Variants in STK39 observed in about 807,000 individuals in gnomAD.
The protein encoded by STK39 is serine/threonine kinase 39, also known as STE20/SPS1-related proline-alanine-rich protein kinase.
A neutral mutation model predicts 77.8 loss-of-function variants in STK39; 20 were observed. The observed-to-expected ratio is 0.26, with a 90% CI of 0.18 to 0.37. The LOEUF is 0.37. Ranked by LOEUF, STK39 falls within the 10% of genes least tolerant of loss-of-function variation. The pLI, the probability that STK39 is intolerant of heterozygous loss-of-function variation, is 1.00. For synonymous variants in STK39, 246 were observed against 234.1 expected, an observed-to-expected ratio of 1.05 and a Z score of -0.47; for missense variants, 479 against 656.5, an observed-to-expected ratio of 0.73 and a Z score of 2.95.
intron 1 of STK39, among the ~76,000 whole-genome samples, chr2:168,226,196 A>T (rs1277739420): frequency 6.6e-6 from 1 of 152,202 alleles, no homozygotes; most frequent in Admixed American, 6.5e-5. Flanking sequence ...AGGTTAGAGG[A>T]TCCAGAATAG....
intron 2 of STK39, among the ~76,000 whole-genome samples, chr2:168,179,557 ATATAT>A (rs1266006550): frequency 6.6e-6 from 1 of 152,218 alleles, no homozygotes; most frequent in African/African-American, 2.4e-5. Flanking sequence ...AATAATGCAA[ATATAT>A]TATACTCTAT....
At chr2:168,013,488 C>A (rs561908535) in intron 15 of STK39, among the ~76,000 whole-genome samples, 2 of 152,290 alleles carry the variant, frequency 1.3e-5, no homozygotes, top group South Asian at 2.1e-4. Flanking sequence ...TAAGCCCCCA[C>A]GTTTTTACAA....
intron 2 of STK39, among the ~76,000 whole-genome samples, chr2:168,179,433 T>TTAG (rs1480422165): frequency 6.7e-6 from 1 of 149,598 alleles, no homozygotes; most frequent in Non-Finnish European, 1.5e-5. Flanking sequence ...GAGTTGTACA[T>TTAG]CCTAAAGAAC....
At chr2:168,186,470 A>T (rs1403443253) in intron 1 of STK39, among the ~76,000 whole-genome samples, 1 of 152,220 alleles carries the variant, frequency 6.6e-6, no homozygotes, top group Non-Finnish European at 1.5e-5. Flanking sequence ...GATTAAGTCA[A>T]CAGCAAATGG....
At chr2:168,072,492 C>G (rs1685966926) in intron 12 of STK39, among the ~76,000 whole-genome samples, 2 of 152,192 alleles carry the variant, frequency 1.3e-5, no homozygotes, top group South Asian at 4.1e-4. Flanking sequence ...CACTCCTATT[C>G]CATTGTAACA....
chr2:168,076,099 G>A (rs2105406160), intron 10 of STK39, among the ~76,000 whole-genome samples: 1 of 152,326 alleles, frequency 6.6e-6, no homozygotes, highest in East Asian at 1.9e-4. Context: ...ACAAAGCACT[G>A]TAGCAGATGA....
At chr2:167,987,737 C>A (rs143270539) in intron 16 of STK39, among the ~76,000 whole-genome samples, 90 of 152,272 alleles carry the variant, frequency 5.9e-4, no homozygotes, top group African/African-American at 2.1e-3. Flanking sequence ...CCCCAAATAA[C>A]CCCATCTATC....
intron 5 of STK39, among the ~76,000 whole-genome samples, chr2:168,141,623 G>A (rs972591794): frequency 6.6e-6 from 1 of 152,216 alleles, no homozygotes; most frequent in Non-Finnish European, 1.5e-5. Flanking sequence ...CTCAAGACTA[G>A]TGTACCTATC....
Position 168,122,930 on chromosome 2 carries a change from T to G in STK39, c.1089+6611A>C, listed in dbSNP as rs138334836. 5.1e-4 allele frequency among the ~76,000 whole-genome samples: 78 copies of G among 152,290 alleles called. 1 individual carries two copies. Among genetic ancestry groups the G allele is most frequent in the African/African-American group, 1.9e-3 (77 of 41,538 alleles). ...TAATCAGTGAATGTAAATAAATCCATCCTATTAAGAAGTGATACTTGTGTT... is the reference window on the plus strand; with the variant it reads ...TAATCAGTGAATGTAAATAAATCCAGCCTATTAAGAAGTGATACTTGTGTT... On this transcript the variant is annotated intron_variant, in intron 10 of 17. Coordinates refer to ENST00000355999, the MANE Select transcript of STK39 (RefSeq NM_013233.3).
chr2:168,235,985 G>A (rs1269473652), intron 1 of STK39, among the ~76,000 whole-genome samples: 16 of 152,082 alleles, frequency 1.1e-4, no homozygotes, highest in Admixed American at 9.2e-4. Flanking sequence ...TGGAATGGCT[G>A]GGTCAAATGG....
Position 168,085,340 on chromosome 2 carries a change from G to A in STK39, c.1090-10109C>T, listed in dbSNP as rs77075563. Among the ~76,000 whole-genome samples the A allele has an allele frequency of 3.1e-3, 475 of 152,272 alleles. 2 individuals are homozygous for A. The highest frequency in any genetic ancestry group is 0.011 in the African/African-American group (441 of 41,540). On this transcript the variant is annotated intron_variant, in intron 10 of 17. Transcript: ENST00000355999. ...CCTGATCAAGGAGCTGGCCACCCAC[G>A]CCTGGCTAGACTCCAGAACTCCCAT...
At chr2:168,183,355 G>A (rs1474586259) in intron 1 of STK39, among the ~76,000 whole-genome samples, 2 of 152,164 alleles carry the variant, frequency 1.3e-5, no homozygotes, top group East Asian at 3.9e-4. Flanking sequence ...ACCACCCACT[G>A]CACAGTAGAC....
At chr2:168,135,627 T>C (rs1687811220) in intron 8 of STK39, among the ~76,000 whole-genome samples, 1 of 152,238 alleles carries the variant, frequency 6.6e-6, no homozygotes, top group Non-Finnish European at 1.5e-5. Flanking sequence ...AATGTTTACT[T>C]ATCAAATTAG....
intron 13 of STK39, among the ~76,000 whole-genome samples, chr2:168,064,842 G>A (rs1381037679): frequency 3.3e-5 from 5 of 152,110 alleles, no homozygotes; most frequent in African/African-American, 4.8e-5. Flanking sequence ...TCACAGCCAC[G>A]TCTTCTGTCC....
chr2:168,228,678 T>A (rs1256450593), intron 1 of STK39, among the ~76,000 whole-genome samples: 1 of 152,010 alleles, frequency 6.6e-6, no homozygotes, highest in Non-Finnish European at 1.5e-5. Flanking sequence ...TAATCTCAGC[T>A]GCTTGGGAGG....
rs77694282 is a variant in STK39, at chr2:168,008,386, G to A, written c.1498+4248C>T. On this transcript the variant is annotated intron_variant, in intron 16 of 17. Transcript: ENST00000355999. Reference sequence around the variant, plus strand: ...AAAGAAAAGTCAAGGACAATGCCCAGGGTTTTGGCCTGAGCACCTGGAAAG... The same window carrying A: ...AAAGAAAAGTCAAGGACAATGCCCAAGGTTTTGGCCTGAGCACCTGGAAAG... Among the ~76,000 whole-genome samples the A allele has an allele frequency of 9.0e-3, 1,371 of 152,286 alleles. 18 individuals carry two copies. Among genetic ancestry groups the A allele is most frequent in the African/African-American group, 0.031 (1,297 of 41,562 alleles).
chr2:168,158,930 T>C (rs970016508), intron 5 of STK39, among the ~76,000 whole-genome samples: 1 of 152,220 alleles, frequency 6.6e-6, no homozygotes, highest in Non-Finnish European at 1.5e-5. Context: ...CTCATTATCC[T>C]ATCCACCACA....
At chr2:168,118,535 A>C (rs1687315335) in intron 10 of STK39, among the ~76,000 whole-genome samples, 1 of 147,352 alleles carries the variant, frequency 6.8e-6, no homozygotes, top group African/African-American at 2.5e-5. Flanking sequence ...CAATTTCCAG[A>C]GTGGATCCTC....
At chr2:168,036,803 C>A (rs982211089) in intron 14 of STK39, among the ~76,000 whole-genome samples, 7 of 152,030 alleles carry the variant, frequency 4.6e-5, no homozygotes, top group African/African-American at 1.7e-4. Flanking sequence ...CCAAGTCTTT[C>A]CAGAGAGAGG....
Sources: gnomAD v4.1 joint callset for allele counts (sites outside exome capture counted in the v4.1 genomes callset) on GRCh38, gnomAD v4.1.1 for gene constraint, MANE v1.5 for transcripts, NCBI Gene and HGNC (gene_info 2026-07-23, HGNC 2026-07-21) for gene names.